ADGRB3: variants seen among roughly 807,000 people sequenced by gnomAD.
The protein encoded by ADGRB3 is adhesion G protein-coupled receptor B3.
ADGRB3 carries 37 observed loss-of-function variants against 193.4 expected under a neutral mutation model. The observed-to-expected ratio is 0.19, with a 90% CI of 0.15 to 0.25. The LOEUF (loss-of-function observed/expected upper bound fraction) is 0.25. Among genes scored for constraint, ADGRB3 ranks in the 10% least tolerant of loss-of-function variants. The pLI, the probability that ADGRB3 is intolerant of heterozygous loss-of-function variation, is 1.00. For synonymous variants in ADGRB3, 690 were observed against 644.2 expected, an observed-to-expected ratio of 1.07 and a Z score of -1.08; for missense variants, 1,637 against 1,852.9, an observed-to-expected ratio of 0.88 and a Z score of 2.14.
chr6:68,842,504 A>C (rs945027317), intron 3 of ADGRB3, among the ~76,000 whole-genome samples: 2 of 151,988 alleles, frequency 1.3e-5, no homozygotes, highest in African/African-American at 4.8e-5. Flanking sequence ...AGATTAAGTA[A>C]CCAGATCAAG....
At position 68,780,653 on chromosome 6, in the gene ADGRB3, T is replaced by C. The variant is rs141616539; in HGVS notation, c.757+141221T>C. Among the ~76,000 whole-genome samples the C allele has an allele frequency of 5.3e-5, 8 of 152,262 alleles. No homozygotes were observed. The South Asian group carries it at 6.2e-4, about 12-fold the overall frequency. On this transcript the variant is annotated intron_variant, in intron 3 of 31. Coordinates refer to ENST00000370598, the MANE Select transcript of ADGRB3 (RefSeq NM_001704.3). ...CTATAAACTTTGTACTTCAACTTCTTAATAGATTATTTCTGGTGTGCTAAG... is the reference window on the plus strand; with the variant it reads ...CTATAAACTTTGTACTTCAACTTCTCAATAGATTATTTCTGGTGTGCTAAG...
At chr6:68,753,057 G>A (rs537714903) in intron 3 of ADGRB3, among the ~76,000 whole-genome samples, 1 of 152,188 alleles carries the variant, frequency 6.6e-6, no homozygotes, top group Non-Finnish European at 1.5e-5. Flanking sequence ...CCTGAATATA[G>A]GACACCACAT....
intron 3 of ADGRB3, among the ~76,000 whole-genome samples, chr6:68,687,274 T>G (rs1229839064): frequency 6.6e-6 from 1 of 152,106 alleles, no homozygotes; most frequent in Non-Finnish European, 1.5e-5. Flanking sequence ...ATCACGTATT[T>G]TTCTTTTGAA....
At chr6:69,182,764 T>A (rs959886743) in intron 17 of ADGRB3, among the ~76,000 whole-genome samples, 20 of 148,092 alleles carry the variant, frequency 1.4e-4, no homozygotes, top group African/African-American at 4.7e-4. Flanking sequence ...AAAAAGGCCC[T>A]AATTTGTAGC....
At chr6:69,245,601 A>AT (rs879535196) in intron 20 of ADGRB3, among the ~76,000 whole-genome samples, 117 of 151,006 alleles carry the variant, frequency 7.7e-4, no homozygotes, top group East Asian at 7.6e-3. Flanking sequence ...AAATTAATCT[A>AT]TTTTTTTTTG....
intron 15 of ADGRB3, among the ~76,000 whole-genome samples, chr6:69,060,732 G>A (rs2150307065): frequency 1.3e-5 from 2 of 151,976 alleles, no homozygotes; most frequent in South Asian, 4.2e-4. Context: ...ACATATTCAG[G>A]CTAATCCAAA....
intron 16 of ADGRB3, 114 bp from the exon 17 acceptor site, chr6:69,075,881 T>C (rs1772214876): frequency 1.3e-6 from 1 of 771,662 alleles, no homozygotes; most frequent in Non-Finnish European, 2.1e-6. Flanking sequence ...ATCATTAAAG[T>C]ATTTCTTACC....
intron 20 of ADGRB3, among the ~76,000 whole-genome samples, chr6:69,287,015 G>A (rs1229214245): frequency 1.3e-5 from 2 of 152,112 alleles, no homozygotes; most frequent in African/African-American, 4.8e-5. Flanking sequence ...CATTTCATAT[G>A]AACAGCTATT....
intron 6 of ADGRB3, among the ~76,000 whole-genome samples, chr6:68,951,631 T>G (rs2150254616): frequency 6.6e-6 from 1 of 152,296 alleles, no homozygotes; most frequent in South Asian, 2.1e-4. Context: ...TGTGGAGTGT[T>G]TACGTTTTCC....
Position 69,134,302 on chromosome 6 carries a change from TA to T in ADGRB3, c.2480+58267del, listed in dbSNP as rs539610988. On this transcript the variant is annotated intron_variant, in intron 17 of 31. Transcript: ENST00000370598. ...CTTAACCTTTACTGAGGGTTCAGGGTAAATCCTATTTTCTCCAGGAAGCATT... is the reference window on the plus strand; with the variant it reads ...CTTAACCTTTACTGAGGGTTCAGGGTAATCCTATTTTCTCCAGGAAGCATT... Among the ~76,000 whole-genome samples, 196 of 152,236 alleles carry T rather than the reference TA, an allele frequency of 1.3e-3. 1 individual carries two copies. The highest frequency in any genetic ancestry group is 0.011 in the East Asian group (55 of 5,180).
At chr6:68,727,841 C>T (rs896417434) in intron 3 of ADGRB3, among the ~76,000 whole-genome samples, 5 of 151,532 alleles carry the variant, frequency 3.3e-5, no homozygotes, top group Non-Finnish European at 5.9e-5. Flanking sequence ...GACAGCAAGT[C>T]ATTCTGGGTG....
chr6:68,638,599 G>GT, intron 2 of ADGRB3, 62 bp from the exon 3 acceptor site: 2 of 1,465,248 alleles, frequency 1.4e-6, no homozygotes, highest in Non-Finnish European at 1.8e-6. Flanking sequence ...ATTGAAAGGA[G>GT]TTTATTTTCT....
In ADGRB3 at chr6:69,024,670, C is replaced by T. The variant is rs537125263; in HGVS notation, c.2107+6171C>T. On this transcript the variant is annotated intron_variant, in intron 13 of 31. Coordinates refer to ENST00000370598, the MANE Select transcript of ADGRB3 (RefSeq NM_001704.3). ...GCTGATATATAAACCCTAACAGATA[C>T]AAGAATCTAAAACATATCAATTTAG... Among the ~76,000 whole-genome samples, 55 of 152,242 alleles carry T rather than the reference C, an allele frequency of 3.6e-4. No homozygotes were observed. In the South Asian group the frequency reaches 0.01, roughly 29 times the overall value.
intron 20 of ADGRB3, among the ~76,000 whole-genome samples, chr6:69,315,501 G>A (rs1057500814): frequency 6.6e-6 from 1 of 151,350 alleles, no homozygotes; most frequent in African/African-American, 2.4e-5. Flanking sequence ...CCCTGTTTTA[G>A]CCATTATCTT....
At chr6:68,848,899 A>C (rs1043072186) in intron 3 of ADGRB3, among the ~76,000 whole-genome samples, 2 of 152,008 alleles carry the variant, frequency 1.3e-5, no homozygotes, top group Non-Finnish European at 2.9e-5. Context: ...TTTTCCATTG[A>C]TTTTTTAACA....
intron 31 of ADGRB3, among the ~76,000 whole-genome samples, chr6:69,384,499 T>A (rs865871845): frequency 6.6e-6 from 1 of 152,092 alleles, no homozygotes; most frequent in Non-Finnish European, 1.5e-5. Context: ...GAGAGGGTTA[T>A]ATTTACAAAT....
rs150464158 is a variant in ADGRB3, at chr6:68,817,686, C to T, written c.758-112873C>T. Reference sequence around the variant, plus strand: ...TTGGTAAAAATATCTATGATAGTACCAAGCACCCATGATAAGCCCTCAATA... The same window carrying T: ...TTGGTAAAAATATCTATGATAGTACTAAGCACCCATGATAAGCCCTCAATA... On this transcript the variant is annotated intron_variant, in intron 3 of 31. Coordinates refer to ENST00000370598, the MANE Select transcript of ADGRB3 (RefSeq NM_001704.3). 6.5e-3 allele frequency among the ~76,000 whole-genome samples: 982 copies of T among 151,844 alleles called. 6 individuals carry two copies. Among genetic ancestry groups the T allele is most frequent in the African/African-American group, 0.022 (929 of 41,442 alleles).
At chr6:69,077,695 G>A (rs1401898966) in intron 17 of ADGRB3, among the ~76,000 whole-genome samples, 1 of 151,952 alleles carries the variant, frequency 6.6e-6, no homozygotes, top group Non-Finnish European at 1.5e-5. Flanking sequence ...ATCTGCTGAT[G>A]ACATGACTCT....
At chr6:69,177,219 C>T (rs938584743) in intron 17 of ADGRB3, among the ~76,000 whole-genome samples, 1 of 151,880 alleles carries the variant, frequency 6.6e-6, no homozygotes. Flanking sequence ...TGTTAGATTA[C>T]TCATTTGAAA....
Sources: allele counts gnomAD v4.1 joint callset (sites outside exome capture counted in the v4.1 genomes callset), GRCh38; gene constraint gnomAD v4.1.1; transcripts MANE v1.5; gene names NCBI Gene and HGNC (gene_info 2026-07-23, HGNC 2026-07-21).